Variants in TIMM23B observed in about 807,000 individuals in gnomAD.
The protein encoded by TIMM23B is translocase of inner mitochondrial membrane 23 homolog B, also known as mitochondrial import inner membrane translocase subunit Tim23B.
In TIMM23B, 27 loss-of-function variants were observed where a neutral mutation model predicts 27.3. The observed-to-expected ratio is 0.99, with a 90% confidence interval of 0.73 to 1.36. The LOEUF (loss-of-function observed/expected upper bound fraction) is 1.36, where lower values mean the gene tolerates loss of function less well. Ranked by LOEUF, TIMM23B falls within the 40% of genes most tolerant of loss-of-function variation. The pLI is 0.00. For synonymous variants in TIMM23B, 73 were observed against 92.4 expected (o/e 0.79, Z 1.21); for missense variants, 205 against 244.2 (o/e 0.84, Z 1.07).
intron 6 of TIMM23B, among the ~76,000 whole-genome samples, chr10:49,972,084 T>TA (rs1301182258): frequency 6.6e-6 from 1 of 152,230 alleles, no homozygotes; most frequent in Non-Finnish European, 1.5e-5. Context: ...CACTGCAATT[T>TA]AAAAAATTAC....
At chr10:49,970,039 C>G (rs1173988925) in intron 6 of TIMM23B, 1 of 162,232 alleles carries the variant, frequency 6.2e-6, no homozygotes, top group Admixed American at 6.5e-5. Context: ...AGTGATCTGC[C>G]AGCCTCGGCC....
intron 2 of TIMM23B, among the ~76,000 whole-genome samples, chr10:49,951,847 C>T (rs1839540353): frequency 6.6e-6 from 1 of 152,208 alleles, no homozygotes. Flanking sequence ...TTCTCTAGAG[C>T]TGTCCTTTCT....
chr10:49,951,995 G>T (rs1276220582), intron 2 of TIMM23B, 131 bp from the exon 3 acceptor site: 5 of 636,110 alleles, frequency 7.9e-6, no homozygotes, highest in Non-Finnish European at 1.4e-5. Flanking sequence ...TTTTATTTTT[G>T]TTTAAGTATA....
chr10:49,966,044 C>T (rs1218816965), intron 6 of TIMM23B, among the ~76,000 whole-genome samples: 4 of 141,080 alleles, frequency 2.8e-5, no homozygotes, highest in Admixed American at 1.4e-4. Flanking sequence ...GGTGATAGAG[C>T]GAGTCTCTGT....
At chr10:49,964,147 C>T (rs553091268) in intron 6 of TIMM23B, among the ~76,000 whole-genome samples, 12 of 146,200 alleles carry the variant, frequency 8.2e-5, no homozygotes, top group Middle Eastern at 7.7e-3. Flanking sequence ...GGTGTGGTGG[C>T]GCACTCCAGC....
chr10:49,969,770 C>A (rs1554856124), intron 6 of TIMM23B, among the ~76,000 whole-genome samples: 2 of 150,838 alleles, frequency 1.3e-5, no homozygotes, highest in Non-Finnish European at 3.0e-5. Flanking sequence ...CTCCCTCTCC[C>A]CACGGTCTCC....
chr10:49,968,637 A>G (rs1310039565), intron 6 of TIMM23B, among the ~76,000 whole-genome samples: 13 of 152,196 alleles, frequency 8.5e-5, no homozygotes, highest in Non-Finnish European at 1.5e-4. Context: ...GATTGAGACC[A>G]TCCTGGCTAA....
chr10:49,966,960 C>G lies in TIMM23B; in HGVS notation c.515-6052C>G, dbSNP rs531050637. On this transcript the variant is annotated intron_variant, in intron 6 of 6. Coordinates refer to ENST00000651259, the MANE Select transcript of TIMM23B (RefSeq NM_001290117.2). ...GCCCTTCCTTTTTTTTTGACAGGGT[C>G]TCAGACTAGAGTACAGTGGTGTGAT... Among the ~76,000 whole-genome samples the G allele has an allele frequency of 2.6e-3, 387 of 151,034 alleles. 1 individual carries two copies. The highest frequency in any genetic ancestry group is 4.8e-3 in the Non-Finnish European group (327 of 67,846).
In TIMM23B at chr10:49,945,026, C is replaced by T. The variant is rs1839312270; in HGVS notation, c.107-6C>T. ...GTTGCAATGTGACATTTTGTTTTCT[C>T]TCTAGTAACTGGTATGAACCCTCTG... is the stretch of plus-strand genomic sequence containing the variant. On this transcript the variant is annotated splice_polypyrimidine_tract_variant and splice_region_variant and intron_variant, in intron 1 of 6. Transcript: ENST00000651259. 4.5e-6 allele frequency: 7 copies of T among 1,565,140 alleles called. No individual in the cohort carries two copies. The highest frequency in any genetic ancestry group is 1.4e-5 in the African/African-American group (1 of 73,436).
chr10:49,970,877 T>C (rs1840412064), intron 6 of TIMM23B, among the ~76,000 whole-genome samples: 1 of 152,152 alleles, frequency 6.6e-6, no homozygotes, highest in Non-Finnish European at 1.5e-5. Context: ...GGCGGTTTTG[T>C]TGAATAGAAA....
intron 2 of TIMM23B, among the ~76,000 whole-genome samples, chr10:49,951,879 T>C (rs2133063121): frequency 6.6e-6 from 1 of 152,356 alleles, no homozygotes; most frequent in South Asian, 2.1e-4. Context: ...CACAAATCTA[T>C]CAGATTTACG....
chr10:49,968,649 A>G (rs1554855879), intron 6 of TIMM23B, among the ~76,000 whole-genome samples: 1 of 152,188 alleles, frequency 6.6e-6, no homozygotes. Flanking sequence ...CCTGGCTAAC[A>G]CAGTGAAACC....
intron 4 of TIMM23B, among the ~76,000 whole-genome samples, chr10:49,953,755 A>C (rs1377648087): frequency 6.6e-6 from 1 of 152,162 alleles, no homozygotes. Context: ...AATATTTTTA[A>C]GTTTTTGTAT....
At chr10:49,972,182 G>A (rs1840479932) in intron 6 of TIMM23B, among the ~76,000 whole-genome samples, 1 of 152,200 alleles carries the variant, frequency 6.6e-6, no homozygotes, top group Admixed American at 6.5e-5. Flanking sequence ...ATTCTGCTCT[G>A]TCATCAGCTG....
intron 2 of TIMM23B, among the ~76,000 whole-genome samples, chr10:49,951,041 C>T (rs1171393403): frequency 7.2e-5 from 11 of 152,234 alleles, no homozygotes; most frequent in African/African-American, 2.4e-4. Flanking sequence ...TTATAAAACT[C>T]TATACAATTA....
At chr10:49,964,755 A>C (rs1840061611) in intron 6 of TIMM23B, among the ~76,000 whole-genome samples, 1 of 151,990 alleles carries the variant, frequency 6.6e-6, no homozygotes, top group Non-Finnish European at 1.5e-5. Flanking sequence ...GAAATGAAGA[A>C]ATGAAATAAT....
intron 2 of TIMM23B, among the ~76,000 whole-genome samples, chr10:49,949,183 C>T (rs1839443350): frequency 6.8e-6 from 1 of 147,514 alleles, no homozygotes; most frequent in Admixed American, 6.8e-5. Context: ...CAGGCATGAG[C>T]CACCATGCCT....
At chr10:49,964,477 A>G (rs1444988689) in intron 6 of TIMM23B, among the ~76,000 whole-genome samples, 11 of 149,688 alleles carry the variant, frequency 7.3e-5, no homozygotes, top group Middle Eastern at 3.6e-3. Flanking sequence ...GAAATGAAAT[A>G]ATGAAATGAA....
In TIMM23B at chr10:49,942,149, C is replaced by G. The variant is rs1839131190; in HGVS notation, c.-46C>G. ...GAGGAGTAACGGCCCAGCGGACCAC[C>G]CAGGCTTGAGGCAGCGGCGGGAACC... is the stretch of plus-strand genomic sequence containing the variant. On this transcript the variant is annotated 5_prime_UTR_variant, in exon 1 of 7. Coordinates refer to ENST00000651259, the MANE Select transcript of TIMM23B (RefSeq NM_001290117.2). The G allele has an allele frequency of 6.4e-7, 1 of 1,565,148 alleles. No homozygotes were observed. Among genetic ancestry groups the G allele is most frequent in the Non-Finnish European group, 8.7e-7 (1 of 1,152,400 alleles).
Sources: gnomAD v4.1 joint callset for allele counts (sites outside exome capture counted in the v4.1 genomes callset) on GRCh38, gnomAD v4.1.1 for gene constraint, MANE v1.5 for transcripts, NCBI Gene and HGNC (gene_info 2026-07-23, HGNC 2026-07-21) for gene names.